SV2C: variants seen among roughly 807,000 people sequenced by gnomAD.
SV2C encodes solute carrier family 22 member B3.
SV2C carries 49 observed loss-of-function variants against 79.7 expected under a neutral mutation model. The ratio of observed to expected loss-of-function variants is 0.61; its 90% CI spans 0.49 to 0.78. SV2C has a LOEUF of 0.78. Ranked by LOEUF, SV2C falls within the 30% of genes least tolerant of loss-of-function variation. The pLI is 0.00. For synonymous variants in SV2C, 334 were observed against 333.2 expected, an observed-to-expected ratio of 1.00 and a Z score of -0.03; for missense variants, 833 against 912.9, an observed-to-expected ratio of 0.91 and a Z score of 1.13.
chr5:76,181,804 G>T (rs1184649878), intron 2 of SV2C, among the ~76,000 whole-genome samples: 1 of 152,138 alleles, frequency 6.6e-6, no homozygotes, highest in African/African-American at 2.4e-5. Context: ...ACAATATCAG[G>T]CTTTGATTGC....
At chr5:76,055,499 A>G in the SV2C span, among the ~76,000 whole-genome samples, 1 of 152,176 alleles carries the variant, frequency 6.6e-6, no homozygotes, top group Non-Finnish European at 1.5e-5. Context: ...TTGGTTCCAT[A>G]TAAAATTTAA....
the SV2C span, among the ~76,000 whole-genome samples, chr5:75,970,877 A>G: frequency 6.6e-6 from 1 of 152,092 alleles, no homozygotes; most frequent in Non-Finnish European, 1.5e-5. Flanking sequence ...ACCAAAAAAG[A>G]GAATTTTAGA....
chr5:76,238,027 T>TACACACACACAC (rs796926428), intron 4 of SV2C, among the ~76,000 whole-genome samples: 2 of 122,812 alleles, frequency 1.6e-5, no homozygotes, highest in African/African-American at 5.4e-5. Context: ...CAATCACACA[T>TACACACACACAC]ACACACACAC....
chr5:76,198,231 A>G (rs547139514), intron 3 of SV2C, among the ~76,000 whole-genome samples: 57 of 152,240 alleles, frequency 3.7e-4, no homozygotes, highest in Non-Finnish European at 6.6e-4. Context: ...CTTACGTTGA[A>G]ATTTGATCCC....
intron 4 of SV2C, among the ~76,000 whole-genome samples, chr5:76,245,456 C>T (rs564561749): frequency 2.6e-5 from 4 of 152,262 alleles, no homozygotes; most frequent in South Asian, 2.1e-4. Context: ...TAAGAAAACA[C>T]GATCAGACTT....
chr5:76,125,668 AGATT>A (rs1340523271), intron 1 of SV2C, among the ~76,000 whole-genome samples: 1 of 152,198 alleles, frequency 6.6e-6, no homozygotes, highest in Non-Finnish European at 1.5e-5. Flanking sequence ...CACAAGGTGC[AGATT>A]GCACCTTGGG....
At chr5:76,132,786 C>A (rs1206301261) in intron 2 of SV2C, among the ~76,000 whole-genome samples, 1 of 151,994 alleles carries the variant, frequency 6.6e-6, no homozygotes, top group Non-Finnish European at 1.5e-5. Context: ...ATGTGTAATA[C>A]AGTAGTTTAA....
At chr5:75,924,110 A>G in the SV2C span, among the ~76,000 whole-genome samples, 1 of 152,216 alleles carries the variant, frequency 6.6e-6, no homozygotes, top group Non-Finnish European at 1.5e-5. Context: ...TTTTGCAGCA[A>G]CTTGGATGGG....
chr5:76,015,191 C>T, the SV2C span, among the ~76,000 whole-genome samples: 1 of 152,230 alleles, frequency 6.6e-6, no homozygotes, highest in East Asian at 1.9e-4. Flanking sequence ...AGAGCTGTTT[C>T]CTAGATGGCA....
At chr5:76,242,069 T>G in intron 4 of SV2C, 1 of 1,456,492 alleles carries the variant, frequency 6.9e-7, no homozygotes, top group Non-Finnish European at 9.6e-7. Context: ...CCTGGTCTGT[T>G]TTGGCATCTC....
intron 12 of SV2C, among the ~76,000 whole-genome samples, chr5:76,317,674 T>C (rs529810940): frequency 6.6e-6 from 1 of 152,042 alleles, no homozygotes; most frequent in East Asian, 1.9e-4. Flanking sequence ...CTACAAAATT[T>C]AAAAAATTAG....
At chr5:75,959,601 A>T in the SV2C span, among the ~76,000 whole-genome samples, 6 of 152,020 alleles carry the variant, frequency 3.9e-5, no homozygotes, top group Non-Finnish European at 5.9e-5. Context: ...CACATCAGCA[A>T]GTTATACTTC....
At chr5:75,850,578 G>T in the SV2C span, among the ~76,000 whole-genome samples, 1 of 151,688 alleles carries the variant, frequency 6.6e-6, no homozygotes, top group African/African-American at 2.4e-5. Flanking sequence ...TTGGTGGTGT[G>T]GGTACATATG....
At chr5:76,285,647 T>C (rs1254381116) in intron 5 of SV2C, 134 bp from the exon 6 acceptor site, 4 of 700,158 alleles carry the variant, frequency 5.7e-6, no homozygotes, top group African/African-American at 1.8e-5. Flanking sequence ...AGTCTGTATG[T>C]TCCAATGGGA....
intron 2 of SV2C, among the ~76,000 whole-genome samples, chr5:76,193,208 C>T (rs1744161424): frequency 6.6e-6 from 1 of 152,156 alleles, no homozygotes; most frequent in South Asian, 2.1e-4. Context: ...ATCCTATGAT[C>T]CCAGGAGGCC....
At chr5:75,946,643 G>A in the SV2C span, among the ~76,000 whole-genome samples, 2 of 152,088 alleles carry the variant, frequency 1.3e-5, no homozygotes, top group Non-Finnish European at 2.9e-5. Flanking sequence ...AATCTCAAAT[G>A]TATTAACCTA....
intron 1 of SV2C, among the ~76,000 whole-genome samples, chr5:76,094,111 T>A (rs958346318): frequency 1.3e-5 from 2 of 152,128 alleles, no homozygotes; most frequent in Admixed American, 6.5e-5. Flanking sequence ...AATAAATAAA[T>A]AAAATGTCTT....
chr5:76,033,605 A>G, the SV2C span, among the ~76,000 whole-genome samples: 1 of 152,098 alleles, frequency 6.6e-6, no homozygotes, highest in Non-Finnish European at 1.5e-5. Context: ...CCATTGATCT[A>G]TATCTCTGTT....
chr5:76,171,641 G>A (rs1183392284), intron 2 of SV2C, among the ~76,000 whole-genome samples: 7 of 139,992 alleles, frequency 5.0e-5, no homozygotes, highest in African/African-American at 7.7e-5. Context: ...CCGGCCAGCC[G>A]CCCCATCCGG....
Sources: allele counts gnomAD v4.1 joint callset (sites outside exome capture counted in the v4.1 genomes callset), GRCh38; gene constraint gnomAD v4.1.1; transcripts MANE v1.5; gene names NCBI Gene and HGNC (gene_info 2026-07-23, HGNC 2026-07-21).